Variants in PARD3B observed in about 807,000 individuals in gnomAD.
PARD3B encodes the protein par-3 family cell polarity regulator beta.
Under a neutral mutation model 130.2 loss-of-function variants are expected in PARD3B, and 103 were observed. That is an observed-to-expected ratio of 0.79 (90% confidence interval 0.67 to 0.93). The LOEUF (loss-of-function observed/expected upper bound fraction) is 0.93, where lower values mean the gene tolerates loss of function less well. Among genes scored for constraint, PARD3B ranks in the 40% least tolerant of loss-of-function variants. The pLI, the probability that PARD3B is intolerant of heterozygous loss-of-function variation, is 0.00. For synonymous variants in PARD3B, 583 were observed against 553.2 expected, an observed-to-expected ratio of 1.05 and a Z score of -0.76; for missense variants, 1,609 against 1,499.2, an observed-to-expected ratio of 1.07 and a Z score of -1.21.
chr2:205,098,511 A>G (rs1273318893), intron 4 of PARD3B, among the ~76,000 whole-genome samples: 1 of 152,204 alleles, frequency 6.6e-6, no homozygotes, highest in African/African-American at 2.4e-5. Flanking sequence ...ACACTAGACC[A>G]GGGAAATTCC....
At chr2:204,952,682 G>A (rs1481155573) in intron 2 of PARD3B, among the ~76,000 whole-genome samples, 1 of 152,150 alleles carries the variant, frequency 6.6e-6, no homozygotes, top group African/African-American at 2.4e-5. Context: ...TACTGAAGAA[G>A]TAAAAATAGC....
At chr2:204,995,868 C>T (rs202009144) in intron 3 of PARD3B, among the ~76,000 whole-genome samples, 3,489 of 6,358 alleles carry the variant, frequency 0.55, 1,036 homozygotes, top group Admixed American at 0.62. Flanking sequence ...TCCAGTTGAT[C>T]GCATCAGCTC....
intron 22 of PARD3B, among the ~76,000 whole-genome samples, chr2:205,566,738 C>T (rs539116082): frequency 8.5e-5 from 13 of 152,234 alleles, no homozygotes; most frequent in Non-Finnish European, 4.4e-5. Context: ...GACCCCAGGG[C>T]ATATCAGGGG....
chr2:205,456,398 T>C (rs2048278559), intron 20 of PARD3B, among the ~76,000 whole-genome samples: 1 of 152,184 alleles, frequency 6.6e-6, no homozygotes, highest in South Asian at 2.1e-4. Context: ...TTTCCTTTTC[T>C]TGCCTCATTG....
rs567651489 is a variant in PARD3B at position 205,379,972 on chromosome 2, G to T, written c.2631-21041G>T. On this transcript the variant is annotated intron_variant, in intron 18 of 22. Transcript: ENST00000406610. ...AGTCCCAGCTACTCAGGAGGCAGAG[G>T]CAAGAGAATTGCTTGAACCCAGAAG... Among the ~76,000 whole-genome samples, 514 of 148,924 alleles carry T rather than the reference G, an allele frequency of 3.5e-3. 2 individuals carry two copies. The highest frequency in any genetic ancestry group is 0.01 in the African/African-American group (421 of 40,278).
rs1161090669 is a variant in PARD3B at position 205,142,952 on chromosome 2, A to G, written c.1435-15770A>G. Among the ~76,000 whole-genome samples, 2 of 152,150 alleles carry G rather than the reference A, an allele frequency of 1.3e-5. No individual in the cohort carries two copies. Among genetic ancestry groups the G allele is most frequent in the Non-Finnish European group, 2.9e-5 (2 of 68,016 alleles). Reference sequence around the variant, plus strand: ...AAATAATTGTAAGAAAGTGATGCGAATCATCAGAATGGGAAAACATAAGTG... The same window carrying G: ...AAATAATTGTAAGAAAGTGATGCGAGTCATCAGAATGGGAAAACATAAGTG... On this transcript the variant is annotated intron_variant, in intron 10 of 22. Coordinates refer to ENST00000406610, the MANE Select transcript of PARD3B (RefSeq NM_001302769.2). This position sits in a 1 kb window ranked among gnomAD's most constrained non-coding sequence, Gnocchi z 4.3.
rs2048699761 is a variant in PARD3B, at chr2:205,468,216, AACAAC to A, written c.3044+27545_3044+27549del. Among the ~76,000 whole-genome samples the A allele has an allele frequency of 2.6e-5, 4 of 152,356 alleles. No individual in the cohort carries two copies. The East Asian group carries it at 7.7e-4, about 29-fold the overall frequency. ...TAATCCCTCCACAGAAGGCTTCGAC[AACAAC>A]TAACTCAGGCACATGTGAGACCAAA... On this transcript the variant is annotated intron_variant, in intron 20 of 22. Coordinates refer to ENST00000406610, the MANE Select transcript of PARD3B (RefSeq NM_001302769.2).
chr2:204,648,007 G>T (rs1277028237), intron 1 of PARD3B, among the ~76,000 whole-genome samples: 1 of 151,400 alleles, frequency 6.6e-6, no homozygotes, highest in Non-Finnish European at 1.5e-5. Context: ...TAATTTTTGT[G>T]TATATTTGGA....
chr2:204,960,842 A>G lies in PARD3B; in HGVS notation c.223-4310A>G, dbSNP rs115480800. Among the ~76,000 whole-genome samples the G allele has an allele frequency of 2.9e-3, 449 of 152,342 alleles. 1 individual carries two copies. Among genetic ancestry groups the G allele is most frequent in the Non-Finnish European group, 5.3e-3 (362 of 68,036 alleles). On this transcript the variant is annotated intron_variant, in intron 2 of 22. Transcript: ENST00000406610. ...GACAGGATGATACACATGGTATAAAATAAAACAAAGGCGGAGAATACAGAG... is the reference window on the plus strand; with the variant it reads ...GACAGGATGATACACATGGTATAAAGTAAAACAAAGGCGGAGAATACAGAG...
chr2:204,821,177 C>A (rs2043338275), intron 2 of PARD3B, among the ~76,000 whole-genome samples: 1 of 152,170 alleles, frequency 6.6e-6, no homozygotes, highest in South Asian at 2.1e-4. Context: ...ATAATTCCCA[C>A]ATGTTGTGGG....
At position 205,366,818 on chromosome 2, in the gene PARD3B, T is replaced by C. The variant is rs2044627794; in HGVS notation, c.2631-34195T>C. ...TAGGTGGCCTCCAGGCCATGTGCCT[T>C]CCCACTAATAACTGGTGATGCTGTA... On this transcript the variant is annotated intron_variant, in intron 18 of 22. Transcript: ENST00000406610. This position sits in a 1 kb window ranked among gnomAD's most constrained non-coding sequence, Gnocchi z 5.0. Among the ~76,000 whole-genome samples the C allele has an allele frequency of 6.6e-6, 1 of 152,200 alleles. No homozygotes were observed.
intron 11 of PARD3B, among the ~76,000 whole-genome samples, chr2:205,163,144 T>A (rs2034604275): frequency 6.6e-6 from 1 of 152,162 alleles, no homozygotes. Context: ...TTCTGAATGG[T>A]GTTTTTGACT....
intron 3 of PARD3B, among the ~76,000 whole-genome samples, chr2:205,000,127 ATAT>A (rs1460329613): frequency 6.6e-6 from 1 of 152,046 alleles, no homozygotes; most frequent in Non-Finnish European, 1.5e-5. Context: ...TTTTACTGGA[ATAT>A]TATTATATAA....
chr2:204,820,891 A>G (rs541564806), intron 2 of PARD3B, among the ~76,000 whole-genome samples: 1 of 152,166 alleles, frequency 6.6e-6, no homozygotes, highest in Admixed American at 6.6e-5. Flanking sequence ...CTTAAGAATT[A>G]TACTAAATTT....
At chr2:204,859,766 G>T (rs1055496603) in intron 2 of PARD3B, among the ~76,000 whole-genome samples, 1 of 152,084 alleles carries the variant, frequency 6.6e-6, no homozygotes, top group Non-Finnish European at 1.5e-5. Flanking sequence ...AACAAATCTA[G>T]AAAGAAAAGC....
At chr2:204,622,187 T>G (rs1483981945) in intron 1 of PARD3B, among the ~76,000 whole-genome samples, 1 of 152,220 alleles carries the variant, frequency 6.6e-6, no homozygotes. Context: ...CTCATTGTGC[T>G]GTCTTTCCAG....
chr2:204,825,663 G>C (rs1309408303), intron 2 of PARD3B, among the ~76,000 whole-genome samples: 1 of 152,224 alleles, frequency 6.6e-6, no homozygotes, highest in Non-Finnish European at 1.5e-5. Flanking sequence ...CATGAGTCAA[G>C]CACCAAGTTA....
In PARD3B at chr2:205,300,405, C is replaced by T. The variant is rs1301043656; in HGVS notation, c.2186-125C>T. ...AAAAGGTGGCAAAGCTGGAGTATAA[C>T]CCCAACTCCCACCCACTTAACACCC... On this transcript the variant is annotated intron_variant, in intron 16 of 22. Coordinates refer to ENST00000406610, the MANE Select transcript of PARD3B (RefSeq NM_001302769.2). The surrounding 1 kb of genome is among the most constrained non-coding windows in gnomAD (Gnocchi z 4.1). The T allele has an allele frequency of 1.2e-6, 1 of 854,870 alleles. No individual in the cohort carries two copies. Among genetic ancestry groups the T allele is most frequent in the Non-Finnish European group, 1.9e-6 (1 of 530,944 alleles). The allele number at this position is 854,870 out of a possible 1,614,324, so 53.0% of individuals were successfully genotyped here. A position where few individuals can be genotyped will look rare whatever the true frequency, so the allele number is the denominator to read the frequency against.
intron 15 of PARD3B, among the ~76,000 whole-genome samples, chr2:205,201,691 G>A (rs549789166): frequency 4.7e-4 from 72 of 152,228 alleles, no homozygotes; most frequent in Non-Finnish European, 8.7e-4. Flanking sequence ...TACAAAATTA[G>A]CTGGGCGTGG....
Sources: gnomAD v4.1 joint callset for allele counts (sites outside exome capture counted in the v4.1 genomes callset) on GRCh38, gnomAD v4.1.1 for gene constraint, Gnocchi (gnomAD v3.1) non-coding constraint, MANE v1.5 for transcripts, NCBI Gene and HGNC (gene_info 2026-07-23, HGNC 2026-07-21) for gene names.